The following GRID1 variants were observed in gnomAD, a reference collection of about 807,000 sequenced individuals.
GRID1 encodes glutamate receptor ionotropic, delta-1.
A neutral mutation model predicts 98.0 loss-of-function variants in GRID1; 28 were observed. That is an observed-to-expected ratio of 0.29 (90% CI 0.21 to 0.39). The LOEUF (loss-of-function observed/expected upper bound fraction) is 0.39. Ranked by LOEUF, GRID1 falls within the 10% of genes least tolerant of loss-of-function variation. GRID1 has a pLI of 1.00. For missense variants in GRID1, 1,111 were observed against 1,340.5 expected (o/e 0.83, Z 2.67); for synonymous variants, 553 against 538.5 (o/e 1.03, Z -0.37).
chr10:86,328,678 T>C (rs566968407), intron 2 of GRID1, among the ~76,000 whole-genome samples: 61 of 152,184 alleles, frequency 4.0e-4, no homozygotes, highest in African/African-American at 1.3e-3. Context: ...TAAGGAGAGG[T>C]TCCCTATAGA....
intron 4 of GRID1, among the ~76,000 whole-genome samples, chr10:86,039,427 T>G (rs911700725): frequency 6.6e-6 from 1 of 152,242 alleles, no homozygotes; most frequent in South Asian, 2.1e-4. Context: ...AGGGACCACT[T>G]GCTCCCTTTC....
chr10:86,235,986 C>G (rs1202721601), intron 2 of GRID1, among the ~76,000 whole-genome samples: 2 of 152,188 alleles, frequency 1.3e-5, no homozygotes, highest in African/African-American at 2.4e-5. Context: ...TTTTTCGCAG[C>G]AGCTGCATCA....
At chr10:86,343,623 G>A (rs1398361789) in intron 2 of GRID1, among the ~76,000 whole-genome samples, 1 of 152,230 alleles carries the variant, frequency 6.6e-6, no homozygotes, top group African/African-American at 2.4e-5. Context: ...CACAGCCTCT[G>A]GTGGCTGAGG....
In GRID1 at chr10:86,016,688, T is replaced by A. The variant is rs115766052; in HGVS notation, c.727-100449A>T. Among the ~76,000 whole-genome samples, 1,302 of 152,310 alleles carry A rather than the reference T, an allele frequency of 8.5e-3. 19 individuals carry two copies. The highest frequency in any genetic ancestry group is 0.03 in the African/African-American group (1,243 of 41,578). ...TTTCACATCTTTCCTGCTTCTGTGA[T>A]ATTTTATTTTCAATGGCTCTAAAAA... On this transcript the variant is annotated intron_variant, in intron 4 of 15. Transcript: ENST00000327946.
chr10:85,693,834 G>A (rs1200019235), intron 12 of GRID1, among the ~76,000 whole-genome samples: 1 of 152,130 alleles, frequency 6.6e-6, no homozygotes, highest in African/African-American at 2.4e-5. Flanking sequence ...AGAAATACTA[G>A]AAGAAAACCA....
At chr10:85,941,432 T>C (rs1841996225) in intron 4 of GRID1, among the ~76,000 whole-genome samples, 1 of 152,224 alleles carries the variant, frequency 6.6e-6, no homozygotes, top group African/African-American at 2.4e-5. Flanking sequence ...TGTGAACATA[T>C]ATGCATAGAC....
intron 12 of GRID1, among the ~76,000 whole-genome samples, chr10:85,704,920 G>A (rs919760316): frequency 1.3e-5 from 2 of 152,160 alleles, no homozygotes; most frequent in South Asian, 2.1e-4. Context: ...TTTGAAACCA[G>A]TGAGAACAAA....
chr10:85,856,432 C>A (rs1843110573), intron 6 of GRID1, among the ~76,000 whole-genome samples: 1 of 152,154 alleles, frequency 6.6e-6, no homozygotes, highest in Non-Finnish European at 1.5e-5. Flanking sequence ...TGTACATCAA[C>A]AAGGAGAACC....
intron 4 of GRID1, among the ~76,000 whole-genome samples, chr10:86,100,041 C>A (rs1465946162): frequency 6.6e-6 from 1 of 152,152 alleles, no homozygotes; most frequent in East Asian, 1.9e-4. Flanking sequence ...GGTGTGGGGG[C>A]AGCATAGCAT....
At chr10:85,809,237 A>C (rs1842648076) in intron 8 of GRID1, among the ~76,000 whole-genome samples, 1 of 152,196 alleles carries the variant, frequency 6.6e-6, no homozygotes, top group East Asian at 1.9e-4. Flanking sequence ...CATAAAAGAT[A>C]CAAGTTCCTG....
At chr10:86,292,407 C>T (rs1230737113) in intron 2 of GRID1, among the ~76,000 whole-genome samples, 1 of 152,230 alleles carries the variant, frequency 6.6e-6, no homozygotes, top group Non-Finnish European at 1.5e-5. Flanking sequence ...GCCCTGCAGC[C>T]ACATGCCCTA....
At chr10:86,347,879 C>G (rs576826967) in intron 2 of GRID1, among the ~76,000 whole-genome samples, 1 of 152,178 alleles carries the variant, frequency 6.6e-6, no homozygotes, top group Non-Finnish European at 1.5e-5. Context: ...CTTTAGCATT[C>G]TGACAAACAC....
At chr10:86,303,629 T>C (rs1847720416) in intron 2 of GRID1, among the ~76,000 whole-genome samples, 1 of 152,268 alleles carries the variant, frequency 6.6e-6, no homozygotes, top group African/African-American at 2.4e-5. Context: ...ATGAGGAAAC[T>C]GAGCCACCTA....
chr10:85,605,241 G>A (rs758426070), intron 15 of GRID1, among the ~76,000 whole-genome samples: 14 of 152,196 alleles, frequency 9.2e-5, no homozygotes, highest in Non-Finnish European at 1.6e-4. Context: ...TGCTACAATC[G>A]TTTTGGCGAA....
chr10:85,862,705 AC>A (rs1407522490), intron 6 of GRID1, among the ~76,000 whole-genome samples: 1 of 152,232 alleles, frequency 6.6e-6, no homozygotes, highest in Non-Finnish European at 1.5e-5. Flanking sequence ...CAAGAAGTTG[AC>A]TGAGGACCAG....
intron 2 of GRID1, among the ~76,000 whole-genome samples, chr10:86,359,344 G>T (rs1848573295): frequency 6.6e-6 from 1 of 152,196 alleles, no homozygotes; most frequent in South Asian, 2.1e-4. Flanking sequence ...GAAGCCATCA[G>T]AGCTAGGGAT....
At chr10:86,313,258 C>T (rs888596106) in intron 2 of GRID1, among the ~76,000 whole-genome samples, 1 of 152,234 alleles carries the variant, frequency 6.6e-6, no homozygotes, top group Non-Finnish European at 1.5e-5. Flanking sequence ...CATTACCCAG[C>T]ACTAACCATG....
chr10:86,172,388 ATAT>A lies in GRID1; in HGVS notation c.521-33367_521-33365del, dbSNP rs1321118716. Among the ~76,000 whole-genome samples the A allele has an allele frequency of 2.6e-5, 4 of 152,222 alleles. No individual in the cohort carries two copies. The South Asian group carries it at 6.2e-4, about 24-fold the overall frequency. ...CATTGTGTGAGTATACATCAGGTAC[ATAT>A]TCATGCATACACCTACTTTATCATC... is the stretch of plus-strand genomic sequence containing the variant. On this transcript the variant is annotated intron_variant, in intron 3 of 15. Transcript: ENST00000327946.
In GRID1 at chr10:85,860,662, A is replaced by C. The variant is rs577799742; in HGVS notation, c.952-4472T>G. Among the ~76,000 whole-genome samples, 9 of 152,334 alleles carry C rather than the reference A, an allele frequency of 5.9e-5. No homozygotes were observed. The South Asian group carries it at 1.4e-3, about 25-fold the overall frequency. On this transcript the variant is annotated intron_variant, in intron 6 of 15. Coordinates refer to ENST00000327946, the MANE Select transcript of GRID1 (RefSeq NM_017551.3). ...TTGCAGCTTAGGCAAGTGGTCTAAT[A>C]GGAACAGCAACAGCTTTGGATTCAT... is the stretch of plus-strand genomic sequence containing the variant.
Sources: gnomAD v4.1 joint callset for allele counts (sites outside exome capture counted in the v4.1 genomes callset) on GRCh38, gnomAD v4.1.1 for gene constraint, MANE v1.5 for transcripts, NCBI Gene and HGNC (gene_info 2026-07-23, HGNC 2026-07-21) for gene names.